The following DLG5 variants were observed in gnomAD, a reference collection of about 807,000 sequenced individuals.
The protein encoded by DLG5 is disks large homolog 5.
DLG5 carries 48 observed loss-of-function variants against 189.8 expected under a neutral mutation model. The observed-to-expected ratio is 0.25, with a 90% CI of 0.20 to 0.32. The LOEUF is 0.32. Among genes scored for constraint, DLG5 ranks in the 10% least tolerant of loss-of-function variants. The pLI, the probability that DLG5 is intolerant of heterozygous loss-of-function variation, is 1.00. For missense variants in DLG5, 2,160 were observed against 2,544.7 expected (o/e 0.85, Z 3.25); for synonymous variants, 1,016 against 1,054.1 (o/e 0.96, Z 0.70).
At chr10:77,885,106 C>T (rs1297740585) in intron 1 of DLG5, among the ~76,000 whole-genome samples, 1 of 152,178 alleles carries the variant, frequency 6.6e-6, no homozygotes, top group Non-Finnish European at 1.5e-5. Flanking sequence ...TAAAACAGCA[C>T]AAGCATTCTT....
intron 1 of DLG5, among the ~76,000 whole-genome samples, chr10:77,895,965 G>A (rs1031617351): frequency 6.6e-6 from 1 of 152,136 alleles, no homozygotes; most frequent in African/African-American, 2.4e-5. Context: ...CCCTTTTGAT[G>A]TGGGGTCACT....
intron 1 of DLG5, among the ~76,000 whole-genome samples, chr10:77,884,545 G>C (rs543800166): frequency 1.3e-5 from 2 of 152,266 alleles, no homozygotes; most frequent in South Asian, 4.2e-4. Flanking sequence ...GTTCATGGTG[G>C]TCGGCACTTA....
intron 27 of DLG5, among the ~76,000 whole-genome samples, chr10:77,800,396 T>C (rs966496634): frequency 6.6e-6 from 1 of 152,044 alleles, no homozygotes; most frequent in Admixed American, 6.5e-5. Flanking sequence ...TGCAGGCCTT[T>C]CCCCCTTCAG....
At chr10:77,903,961 C>T (rs1846002692) in intron 1 of DLG5, among the ~76,000 whole-genome samples, 1 of 152,144 alleles carries the variant, frequency 6.6e-6, no homozygotes, top group Non-Finnish European at 1.5e-5. Flanking sequence ...TGAATATTCC[C>T]AGAAAACAAG....
intron 26 of DLG5, 40 bp downstream of exon 26, chr10:77,806,718 A>AGGGCCCCCCCCC: frequency 8.5e-5 from 113 of 1,333,600 alleles, no homozygotes; most frequent in Non-Finnish European, 1.1e-4. Context: ...GCCCTCGGCG[A>AGGGCCCCCCCCC]CCCCTGCCCC....
chr10:77,934,735 C>T, the DLG5 span, among the ~76,000 whole-genome samples: 2 of 152,176 alleles, frequency 1.3e-5, no homozygotes, highest in Non-Finnish European at 2.9e-5. Context: ...AAGATCCCAG[C>T]GGCTACCACC....
chr10:77,847,622 T>C (rs1023725181), intron 5 of DLG5, among the ~76,000 whole-genome samples: 1 of 152,186 alleles, frequency 6.6e-6, no homozygotes, highest in Non-Finnish European at 1.5e-5. Context: ...CAGAGGATTA[T>C]GTTCTTGGTA....
intron 8 of DLG5, among the ~76,000 whole-genome samples, chr10:77,835,144 C>T (rs1843063070): frequency 6.6e-6 from 1 of 152,094 alleles, no homozygotes; most frequent in South Asian, 2.1e-4. Flanking sequence ...GCCCTGAGCA[C>T]ACTCCACAGG....
At chr10:77,834,153 A>G (rs929321545) in intron 8 of DLG5, 114 bp from the exon 9 acceptor site, 9 of 1,378,050 alleles carry the variant, frequency 6.5e-6, no homozygotes, top group Non-Finnish European at 8.7e-6. Flanking sequence ...CACCTATCCC[A>G]TCCCCAGATG....
Position 77,926,253 on chromosome 10 carries a change from C to T in DLG5, c.268G>A (p.Gly90Ser), listed in dbSNP as rs781090834. The part of the protein sequence containing the change: ...PHLLPILYLN[G>S]VVGPPQPAEG... Reference sequence around the variant, plus strand: ...GCGGGCTGCGGCGGCCCGACGACGCCGTTCAGGTAGAGAATGGGCAGCAGG... The same window carrying T: ...GCGGGCTGCGGCGGCCCGACGACGCTGTTCAGGTAGAGAATGGGCAGCAGG... Residue 90 changes from glycine to serine, a missense_variant, in exon 1 of 32, where the codon GGC (glycine) becomes AGC (serine). Gly to Ser is a moderately conservative substitution (Grantham distance 56). Coordinates refer to ENST00000372391, the MANE Select transcript of DLG5 (RefSeq NM_004747.4). This position sits in a 1 kb window ranked among gnomAD's most constrained non-coding sequence, Gnocchi z 5.2. 36 of 1,546,676 alleles carry T rather than the reference C, an allele frequency of 2.3e-5. No homozygotes were observed. Among genetic ancestry groups the T allele is most frequent in the Non-Finnish European group, 3.0e-5 (34 of 1,146,620 alleles).
intron 27 of DLG5, among the ~76,000 whole-genome samples, chr10:77,797,571 G>A (rs2154574860): frequency 6.6e-6 from 1 of 152,324 alleles, no homozygotes; most frequent in Middle Eastern, 3.4e-3. Flanking sequence ...GCAGGCCCAG[G>A]AGGGAAGTGG....
chr10:77,854,781 T>G lies in DLG5; in HGVS notation c.537-411A>C, dbSNP rs552542517. Among the ~76,000 whole-genome samples, 358 of 151,352 alleles carry G rather than the reference T, an allele frequency of 2.4e-3. 2 individuals are homozygous for G. The highest frequency in any genetic ancestry group is 0.024 in the South Asian group (112 of 4,760). On this transcript the variant is annotated intron_variant, in intron 3 of 31. Coordinates refer to ENST00000372391, the MANE Select transcript of DLG5 (RefSeq NM_004747.4). ...CAGGTGGATCACTTGAAGCCAGGGG[T>G]TTGAGACCAGCCTGAGCAACATGGT...
intron 2 of DLG5, among the ~76,000 whole-genome samples, chr10:77,859,039 A>T (rs1308277940): frequency 2.6e-5 from 4 of 151,948 alleles, no homozygotes; most frequent in Admixed American, 2.6e-4. Flanking sequence ...CACCCAGCTA[A>T]TTTTTTTGTA....
In DLG5 at chr10:77,833,873, C is replaced by G. The variant is rs752516932; in HGVS notation, c.1748+41G>C. ...AGAAGGGAGAGGGGCCCCAGGCTCC[C>G]AGATGCATGCCCACTCCAGCGGGTG... On this transcript the variant is annotated intron_variant, in intron 9 of 31. Coordinates refer to ENST00000372391, the MANE Select transcript of DLG5 (RefSeq NM_004747.4). 4.4e-6 allele frequency: 7 copies of G among 1,598,136 alleles called. No individual in the cohort carries two copies. The African/African-American group carries it at 8.0e-5, about 18-fold the overall frequency.
Position 77,926,593 on chromosome 10 carries a change from G to T in DLG5, c.-73C>A. ...CCGAGGCCGGCGGGCGGGCAGGCGA[G>T]CACCTCGGCAGCAGCCCTAGGGCGC... On this transcript the variant is annotated 5_prime_UTR_variant, in exon 1 of 32. Transcript: ENST00000372391. The surrounding 1 kb of genome is among the most constrained non-coding windows in gnomAD (Gnocchi z 5.2). The T allele has an allele frequency of 8.8e-7, 1 of 1,141,582 alleles. No homozygotes were observed. The highest frequency in any genetic ancestry group is 1.1e-6 in the Non-Finnish European group (1 of 924,090). 70.7% of individuals were successfully genotyped at this position (1,141,582 alleles called of 1,614,324 possible).
In DLG5 at chr10:77,833,957, G is replaced by T; in HGVS notation, c.1705C>A (p.Arg569Ser). The T allele has an allele frequency of 6.2e-7, 1 of 1,606,982 alleles. No homozygotes were observed. The change falls in exon 9 of 32, where the codon CGC (arginine) becomes AGC (serine). Residue 569 changes from arginine (R) to serine (S), a missense_variant. Around this residue, in one of 5 missense-constraint regions of DLG5, gnomAD observed 664 missense variants for 838.5 expected, o/e 0.79. Coordinates refer to ENST00000372391, the MANE Select transcript of DLG5 (RefSeq NM_004747.4). ...AEALRSLDDTRKQKNDVSREL... is the reference protein window; with the variant it reads ...AEALRSLDDTSKQKNDVSREL... The stretch of plus-strand genomic sequence containing the variant: ...CGGCTGACATCATTCTTCTGCTTGC[G>T]GGTGTCATCCAGGCTGCGCAGGGCC...
chr10:77,933,776 C>T, the DLG5 span, among the ~76,000 whole-genome samples: 2 of 151,696 alleles, frequency 1.3e-5, no homozygotes, highest in Admixed American at 1.3e-4. Context: ...CAGAATAGCT[C>T]CCCTTCCAAG....
At chr10:77,812,532 C>A (rs1841831471) in intron 20 of DLG5, among the ~76,000 whole-genome samples, 155 bp from the exon 21 acceptor site, 2 of 152,138 alleles carry the variant, frequency 1.3e-5, no homozygotes, top group African/African-American at 4.8e-5. Context: ...ACATGGTGGG[C>A]CCACCCCTGT....
chr10:77,823,783 C>T (rs1014633754), intron 14 of DLG5, among the ~76,000 whole-genome samples: 1 of 152,092 alleles, frequency 6.6e-6, no homozygotes, highest in Non-Finnish European at 1.5e-5. Context: ...CACCCGCCTC[C>T]CAAAGTGCTG....
Sources: gnomAD v4.1 joint callset for allele counts (sites outside exome capture counted in the v4.1 genomes callset) on GRCh38, gnomAD v4.1.1 for gene constraint, gnomAD v4.1.1 regional missense constraint, Gnocchi (gnomAD v3.1) non-coding constraint, MANE v1.5 for transcripts, NCBI Gene and HGNC (gene_info 2026-07-23, HGNC 2026-07-21) for gene names.